Variants in ESPN observed in about 807,000 individuals in gnomAD.
ESPN encodes espin.
Under a neutral mutation model 77.7 loss-of-function variants are expected in ESPN, and 68 were observed. The ratio of observed to expected loss-of-function variants is 0.87; its 90% CI spans 0.72 to 1.07. The LOEUF (loss-of-function observed/expected upper bound fraction) is 1.07. Among genes scored for constraint, ESPN ranks in the 50% least tolerant of loss-of-function variants. The pLI, the probability that ESPN is intolerant of heterozygous loss-of-function variation, is 0.00. For synonymous variants in ESPN, 449 were observed against 567.1 expected, an observed-to-expected ratio of 0.79 and a Z score of 2.96; for missense variants, 1,060 against 1,239.0, an observed-to-expected ratio of 0.86 and a Z score of 2.17.
chr1:6,428,441 G>A lies in ESPN; in HGVS notation c.488+22G>A, dbSNP rs760314327. The A allele has an allele frequency of 1.3e-6, 2 of 1,589,096 alleles. No homozygotes were observed. Among genetic ancestry groups the A allele is most frequent in the East Asian group, 2.2e-5 (1 of 44,484 alleles). On this transcript the variant is annotated intron_variant, in intron 2 of 12. Transcript: ENST00000645284. This position sits in a 1 kb window ranked among gnomAD's most constrained non-coding sequence, Gnocchi z 5.4. The stretch of plus-strand genomic sequence containing the variant: ...CTGAGTAAGATCACCCCTCTTAAGG[G>A]GTCCTCTGGGTGGGCTGGGCCAGGG...
Position 6,440,949 on chromosome 1 carries a change from G to A in ESPN, c.874G>A (p.Val292Ile), listed in dbSNP as rs764325306. ...GCCCCCGCAGTGCTGCCAGATCCTG[G>A]TAGTGAACGGCGCGGAGCTGGACGT... is the stretch of plus-strand genomic sequence containing the variant. ...NGELECCQILVVNGAELDVRD... is the reference protein window; with the variant it reads ...NGELECCQILIVNGAELDVRD... Residue 292 changes from valine to isoleucine, a missense_variant, in exon 5 of 13, where the codon GTA (valine) becomes ATA (isoleucine). By Grantham distance (29) the Val-to-Ile change is conservative (BLOSUM62 3). Around this residue, in one of 3 missense-constraint regions of ESPN, gnomAD observed 556 missense variants for 633.6 expected, o/e 0.88. Transcript: ENST00000645284. 1.0e-5 allele frequency: 16 copies of A among 1,589,554 alleles called. No homozygotes were observed. The highest frequency in any genetic ancestry group is 8.8e-5 in the Admixed American group (5 of 56,772).
Position 6,430,631 on chromosome 1 carries a change from C to T in ESPN, c.488+2212C>T, listed in dbSNP as rs531382811. Among the ~76,000 whole-genome samples the T allele has an allele frequency of 8.1e-4, 124 of 152,230 alleles. 1 individual carries two copies. The highest frequency in any genetic ancestry group is 2.5e-3 in the Admixed American group (38 of 15,294). Reference sequence around the variant, plus strand: ...GATCTCTCATACAAAATTAGCCAGGCGTGGTGGCGCATGCCTGTAATCCCA... The same window carrying T: ...GATCTCTCATACAAAATTAGCCAGGTGTGGTGGCGCATGCCTGTAATCCCA... On this transcript the variant is annotated intron_variant, in intron 2 of 12. Coordinates refer to ENST00000645284, the MANE Select transcript of ESPN (RefSeq NM_031475.3).
intron 8 of ESPN, 131 bp downstream of exon 8, chr1:6,449,222 T>C (rs1005687429): frequency 9.7e-6 from 9 of 930,812 alleles, no homozygotes; most frequent in Non-Finnish European, 1.5e-6. Flanking sequence ...CGGCCACCCC[T>C]ACCCCATTGA....
At chr1:6,458,504 C>G (rs1644093051) in intron 12 of ESPN, among the ~76,000 whole-genome samples, 1 of 145,526 alleles carries the variant, frequency 6.9e-6, no homozygotes, top group African/African-American at 2.5e-5. Context: ...TTAGTAGAGG[C>G]CGGGTTTTGC....
Position 6,451,719 on chromosome 1 carries a change from T to G in ESPN, c.2032T>G (p.Phe678Val). The change falls in exon 9 of 13, where the codon TTC (phenylalanine) becomes GTC (valine). Residue 678 changes from phenylalanine to valine, a missense_variant. Phe to Val is a conservative substitution (Grantham distance 50, BLOSUM62 -1). This residue lies in a region of ESPN where 374 missense variants were observed against 381.4 expected (regional missense o/e 0.98). Coordinates refer to ENST00000645284, the MANE Select transcript of ESPN (RefSeq NM_031475.3). This position sits in a 1 kb window ranked among gnomAD's most constrained non-coding sequence, Gnocchi z 4.3. ...TPQSKGLTTVFSGIGQPAFQP... is the reference protein window; with the variant it reads ...TPQSKGLTTVVSGIGQPAFQP... ...CCAGAGCAAGGGGCTGACCACAGTG[T>G]TCTCAGGCATCGGGCAGCCGGCCTT... The G allele has an allele frequency of 6.2e-7, 1 of 1,612,822 alleles. No homozygotes were observed. Among genetic ancestry groups the G allele is most frequent in the Non-Finnish European group, 8.5e-7 (1 of 1,179,862 alleles).
At chr1:6,452,237 C>G in intron 10 of ESPN, 141 bp downstream of exon 10, 1 of 1,074,764 alleles carries the variant, frequency 9.3e-7, no homozygotes, top group East Asian at 2.6e-5. Flanking sequence ...CAGAGTCTTG[C>G]TCTGTCGCCC....
chr1:6,433,606 CAAAAAAA>C (rs569450960), intron 2 of ESPN, among the ~76,000 whole-genome samples: 275 of 132,630 alleles, frequency 2.1e-3, no homozygotes, highest in Non-Finnish European at 3.3e-3. Context: ...GAATCCATTT[CAAAAAAA>C]AAAAAAAGAA....
chr1:6,426,472 G>T (rs915451885), intron 1 of ESPN, among the ~76,000 whole-genome samples: 2 of 146,468 alleles, frequency 1.4e-5, no homozygotes, highest in African/African-American at 2.5e-5. Flanking sequence ...GCTTGGGTGT[G>T]GGGGGAGAAA....
rs772444557 is a variant in ESPN at position 6,450,821 on chromosome 1, C to T, written c.1916-782C>T. Among the ~76,000 whole-genome samples, 3 of 152,006 alleles carry T rather than the reference C, an allele frequency of 2.0e-5. No homozygotes were observed. The highest frequency in any genetic ancestry group is 1.5e-5 in the Non-Finnish European group (1 of 67,994). On this transcript the variant is annotated intron_variant, in intron 8 of 12. Transcript: ENST00000645284. The surrounding 1 kb of genome is among the most constrained non-coding windows in gnomAD (Gnocchi z 4.3). ...AGAGCTGTCGGCCCATTTTATTCCTCCCTCCCAGACCTGACCCCTTCATCG... is the reference window on the plus strand; with the variant it reads ...AGAGCTGTCGGCCCATTTTATTCCTTCCTCCCAGACCTGACCCCTTCATCG...
At chr1:6,456,240 A>C (rs1039693116) in intron 10 of ESPN, 28 of 394,426 alleles carry the variant, frequency 7.1e-5, no homozygotes, top group Non-Finnish European at 1.1e-4. Context: ...GAGCGTCTTA[A>C]CGTGGGCCTG....
In ESPN at chr1:6,440,385, T is replaced by C. The variant is rs936376847; in HGVS notation, c.620T>C (p.Met207Thr). 2 of 1,588,408 alleles carry C rather than the reference T, an allele frequency of 1.3e-6. No homozygotes were observed. Among genetic ancestry groups the C allele is most frequent in the Non-Finnish European group, 1.7e-6 (2 of 1,168,728 alleles). ...ADPHARAHDG[M>T]TPLHAAAQMG... ...CCGCACGCGCGCGCCCACGACGGCA[T>C]GACCCCGCTGCACGCCGCGGCGCAG... Residue 207 changes from methionine (M) to threonine (T), a missense_variant, in exon 3 of 13, where the codon ATG (methionine) becomes ACG (threonine). Physicochemically the swap from Met to Thr is moderately conservative, Grantham distance 81. This residue lies in a region of ESPN where 556 missense variants were observed against 633.6 expected (regional missense o/e 0.88). Coordinates refer to ENST00000645284, the MANE Select transcript of ESPN (RefSeq NM_031475.3).
chr1:6,440,008 CA>C (rs61328926), intron 2 of ESPN, among the ~76,000 whole-genome samples: 9 of 148,402 alleles, frequency 6.1e-5, no homozygotes, highest in South Asian at 2.1e-4. Context: ...GACTTCTTCT[CA>C]AAAAAAAAAG....
chr1:6,457,511 C>A, intron 12 of ESPN, 139 bp downstream of exon 12: 3 of 996,182 alleles, frequency 3.0e-6, no homozygotes, highest in South Asian at 1.4e-5. Flanking sequence ...CCCTATAATA[C>A]CCCAGAATCT....
chr1:6,425,932 G>C (rs75508567), intron 1 of ESPN, among the ~76,000 whole-genome samples: 11,832 of 152,284 alleles, frequency 0.078, 579 homozygotes, highest in African/African-American at 0.13. Context: ...GAAGTGCAGA[G>C]CCCTGAGGCA....
At chr1:6,443,622 A>T (rs1643724802) in intron 5 of ESPN, among the ~76,000 whole-genome samples, 1 of 152,238 alleles carries the variant, frequency 6.6e-6, no homozygotes. Context: ...GGACAGATCC[A>T]AGCCACAGAA....
chr1:6,455,199 C>T, intron 10 of ESPN: 1 of 388,674 alleles, frequency 2.6e-6, no homozygotes, highest in Non-Finnish European at 4.6e-6. Context: ...GCTGCCTGAG[C>T]CCGAGCAGCT....
Position 6,460,308 on chromosome 1 carries a change from T to G in ESPN, c.*162T>G, listed in dbSNP as rs905215756. On this transcript the variant is annotated 3_prime_UTR_variant, in exon 13 of 13. Transcript: ENST00000645284. The stretch of plus-strand genomic sequence containing the variant: ...CCCTGGCCCCCCGTATCCCCAGCCC[T>G]TGGCAACACTGGAGTGCACACGCCG... The G allele has an allele frequency of 1.1e-6, 1 of 893,750 alleles. No homozygotes were observed. The highest frequency in any genetic ancestry group is 1.7e-6 in the Non-Finnish European group (1 of 598,330). The allele number at this position is 893,750 out of a possible 1,614,324, so 55.4% of individuals were successfully genotyped here. A position where few individuals can be genotyped will look rare whatever the true frequency, so the allele number is the denominator to read the frequency against.
intron 2 of ESPN, among the ~76,000 whole-genome samples, chr1:6,430,367 C>G (rs777001076): frequency 2.0e-5 from 3 of 152,230 alleles, no homozygotes; most frequent in African/African-American, 7.2e-5. Context: ...GGAAGTGACA[C>G]GCTGCAGAGG....
Position 6,438,380 on chromosome 1 carries a change from G to A in ESPN, c.489-1874G>A, listed in dbSNP as rs190268797. ...TCTGCAAGCACTTCTCAGGCACTCTGCACAAGGTCAGGATGACAACTGTTG... is the reference window on the plus strand; with the variant it reads ...TCTGCAAGCACTTCTCAGGCACTCTACACAAGGTCAGGATGACAACTGTTG... On this transcript the variant is annotated intron_variant, in intron 2 of 12. Coordinates refer to ENST00000645284, the MANE Select transcript of ESPN (RefSeq NM_031475.3). Among the ~76,000 whole-genome samples, 572 of 152,374 alleles carry A rather than the reference G, an allele frequency of 3.8e-3. 3 individuals carry two copies. Among genetic ancestry groups the A allele is most frequent in the African/African-American group, 0.013 (552 of 41,594 alleles).
Sources: allele counts gnomAD v4.1 joint callset (sites outside exome capture counted in the v4.1 genomes callset), GRCh38; gene constraint gnomAD v4.1.1; regional missense constraint gnomAD v4.1.1; non-coding constraint Gnocchi (gnomAD v3.1); transcripts MANE v1.5; gene names NCBI Gene and HGNC (gene_info 2026-07-23, HGNC 2026-07-21).